The following CSMD3 variants were observed in gnomAD, a reference collection of about 807,000 sequenced individuals.
CSMD3 encodes the protein CUB and sushi domain-containing protein 3.
CSMD3 carries 177 observed loss-of-function variants against 435.2 expected under a neutral mutation model. The ratio of observed to expected loss-of-function variants is 0.41; its 90% CI spans 0.36 to 0.46. The LOEUF (loss-of-function observed/expected upper bound fraction) is 0.46. Among genes scored for constraint, CSMD3 ranks in the 20% least tolerant of loss-of-function variants. CSMD3 has a pLI of 0.34. For synonymous variants in CSMD3, 1,656 were observed against 1,520.5 expected, an observed-to-expected ratio of 1.09 and a Z score of -2.07; for missense variants, 4,265 against 4,504.6, an observed-to-expected ratio of 0.95 and a Z score of 1.52.
At chr8:112,549,085 G>A (rs956052420) in intron 27 of CSMD3, among the ~76,000 whole-genome samples, 1 of 151,976 alleles carries the variant, frequency 6.6e-6, no homozygotes, top group Non-Finnish European at 1.5e-5. Flanking sequence ...CTGAGCTTGA[G>A]ACACCTTTCC....
intron 36 of CSMD3, among the ~76,000 whole-genome samples, chr8:112,389,820 T>C (rs1830266912): frequency 6.6e-6 from 1 of 152,210 alleles, no homozygotes; most frequent in African/African-American, 2.4e-5. Context: ...ATATATATAC[T>C]GATTCTGCAG....
chr8:112,861,963 C>T (rs967779036), intron 10 of CSMD3, among the ~76,000 whole-genome samples: 5 of 151,882 alleles, frequency 3.3e-5, no homozygotes, highest in African/African-American at 4.8e-5. Flanking sequence ...GATGTAGGTA[C>T]GTTTGCTAAA....
intron 13 of CSMD3, among the ~76,000 whole-genome samples, chr8:112,795,451 T>C (rs2078805166): frequency 6.6e-6 from 1 of 152,166 alleles, no homozygotes; most frequent in Admixed American, 6.5e-5. Flanking sequence ...TAAAGATTCT[T>C]TTCCACATAC....
intron 1 of CSMD3, among the ~76,000 whole-genome samples, chr8:113,335,327 A>G (rs1309026612): frequency 1.3e-5 from 2 of 152,220 alleles, no homozygotes; most frequent in Admixed American, 6.5e-5. Flanking sequence ...CAGTGCAAGA[A>G]CAAACTAATA....
intron 3 of CSMD3, among the ~76,000 whole-genome samples, chr8:113,185,827 A>G (rs2092492210): frequency 6.6e-6 from 1 of 151,904 alleles, no homozygotes; most frequent in African/African-American, 2.4e-5. Flanking sequence ...TTCACAGGAC[A>G]AGCAAAACCC....
rs1033701969 is a variant in CSMD3, at chr8:112,755,008, C to A, written c.1972+45154G>T. ...GGTACTTCCCATAATCCCCACATGT[C>A]GTGGGAGGGACCTGGTGGGAGGTAA... On this transcript the variant is annotated intron_variant, in intron 13 of 70. Transcript: ENST00000297405. Among the ~76,000 whole-genome samples, 7 of 152,158 alleles carry A rather than the reference C, an allele frequency of 4.6e-5. No individual in the cohort carries two copies. The Middle Eastern group carries it at 0.01, about 222-fold the overall frequency.
intron 13 of CSMD3, among the ~76,000 whole-genome samples, chr8:112,729,212 T>C (rs1247215593): frequency 6.6e-6 from 1 of 151,844 alleles, no homozygotes; most frequent in Non-Finnish European, 1.5e-5. Context: ...TGAAAAGGCA[T>C]GAGATCCAGA....
At chr8:112,608,210 A>G (rs1222976900) in intron 22 of CSMD3, among the ~76,000 whole-genome samples, 1 of 152,142 alleles carries the variant, frequency 6.6e-6, no homozygotes, top group Non-Finnish European at 1.5e-5. Context: ...GTATAATAGC[A>G]TAAAAAAGAA....
intron 22 of CSMD3, among the ~76,000 whole-genome samples, chr8:112,601,038 A>T (rs751350142): frequency 6.6e-6 from 1 of 152,116 alleles, no homozygotes; most frequent in Admixed American, 6.6e-5. Flanking sequence ...AATAACAAGG[A>T]GGTAGGAATA....
rs776570978 is a variant in CSMD3, at chr8:113,023,015, ATTAG to A, written c.918-3840_918-3837del. On this transcript the variant is annotated intron_variant, in intron 5 of 70. Coordinates refer to ENST00000297405, the MANE Select transcript of CSMD3 (RefSeq NM_198123.2). ...TAATCCTTACAACATGATTTTAAGA[ATTAG>A]TTAAACATAAGAAAATTGAGAGAAT... Among the ~76,000 whole-genome samples the A allele has an allele frequency of 4.3e-4, 66 of 152,216 alleles. 1 individual carries two copies. Among genetic ancestry groups the A allele is most frequent in the African/African-American group, 1.3e-3 (52 of 41,572 alleles).
intron 58 of CSMD3, among the ~76,000 whole-genome samples, chr8:112,286,333 A>G (rs940710048): frequency 2.0e-5 from 3 of 152,112 alleles, no homozygotes; most frequent in African/African-American, 7.2e-5. Context: ...AAAATAATAT[A>G]TGGAAAATTC....
rs1193137748 is a variant in CSMD3 at position 113,314,760 on chromosome 8, C to T, written c.212G>A (p.Gly71Glu). 6.2e-7 allele frequency: 1 copy of T among 1,612,108 alleles called. No homozygotes were observed. The part of the protein sequence containing the change: ...FIYTCGGTLK[G>E]LNGTIESPGF... The stretch of plus-strand genomic sequence containing the variant: ...AGGGCTTTCTATAGTGCCATTAAGT[C>T]CTTTTAAAGTTCCACCACATGTATA... The change falls in exon 2 of 71, where the codon GGA becomes GAA. Residue 71 changes from glycine to glutamate, a missense_variant. Physicochemically the swap from Gly to Glu is moderately conservative, Grantham distance 98. Around this residue, in one of 3 missense-constraint regions of CSMD3, gnomAD observed 731 missense variants for 755.4 expected, o/e 0.97. Transcript: ENST00000297405.
At chr8:113,010,287 T>C (rs2086209166) in intron 6 of CSMD3, among the ~76,000 whole-genome samples, 1 of 151,694 alleles carries the variant, frequency 6.6e-6, no homozygotes, top group Admixed American at 6.6e-5. Context: ...CAAGAAACTT[T>C]TTATCTAGAA....
chr8:113,170,234 G>A (rs1018880824), intron 4 of CSMD3, among the ~76,000 whole-genome samples: 1 of 152,112 alleles, frequency 6.6e-6, no homozygotes, highest in Non-Finnish European at 1.5e-5. Flanking sequence ...TCTTTTCTTT[G>A]GAAATGAATG....
At chr8:113,241,576 A>G (rs956195925) in intron 3 of CSMD3, among the ~76,000 whole-genome samples, 6 of 151,186 alleles carry the variant, frequency 4.0e-5, no homozygotes, top group Admixed American at 2.0e-4. Flanking sequence ...TGTAAATTCT[A>G]TGTATTTGGA....
At chr8:112,922,802 T>C (rs2082786889) in intron 9 of CSMD3, among the ~76,000 whole-genome samples, 1 of 152,088 alleles carries the variant, frequency 6.6e-6, no homozygotes, top group South Asian at 2.1e-4. Context: ...CTCTAGAAGT[T>C]AATCCGTATA....
intron 50 of CSMD3, among the ~76,000 whole-genome samples, chr8:112,309,555 C>T (rs1406916122): frequency 6.6e-6 from 1 of 151,938 alleles, no homozygotes; most frequent in Non-Finnish European, 1.5e-5. Flanking sequence ...ACTGTAAATA[C>T]TCCTGCTATT....
chr8:112,848,206 T>C (rs2080382944), intron 11 of CSMD3, among the ~76,000 whole-genome samples: 1 of 152,098 alleles, frequency 6.6e-6, no homozygotes, highest in Admixed American at 6.6e-5. Flanking sequence ...CAGAACTATA[T>C]GAAAAACCCA....
intron 10 of CSMD3, among the ~76,000 whole-genome samples, chr8:112,910,726 A>G (rs1479202691): frequency 6.6e-6 from 1 of 151,836 alleles, no homozygotes; most frequent in African/African-American, 2.4e-5. Flanking sequence ...CCGTCTACAA[A>G]CCTAGCTAGC....
Sources: gnomAD v4.1 joint callset for allele counts (sites outside exome capture counted in the v4.1 genomes callset) on GRCh38, gnomAD v4.1.1 for gene constraint, gnomAD v4.1.1 regional missense constraint, MANE v1.5 for transcripts, NCBI Gene and HGNC (gene_info 2026-07-23, HGNC 2026-07-21) for gene names.